MGAT4A: variants seen among roughly 807,000 people sequenced by gnomAD.
MGAT4A encodes alpha-1,3-mannosyl-glycoprotein 4-beta-N-acetylglucosaminyltransferase A, also known as N-acetylglucosaminyltransferase IVa.
A neutral mutation model predicts 74.1 loss-of-function variants in MGAT4A; 33 were observed. The observed-to-expected ratio is 0.45, with a 90% confidence interval of 0.34 to 0.60. The LOEUF (loss-of-function observed/expected upper bound fraction) is 0.60, where lower values mean the gene tolerates loss of function less well. MGAT4A is among the 20% of genes least tolerant of loss of function. MGAT4A has a pLI of 0.02. For missense variants in MGAT4A, 479 were observed against 628.3 expected (o/e 0.76, Z 2.54); for synonymous variants, 198 against 210.4 (o/e 0.94, Z 0.51).
In MGAT4A at chr2:98,619,414, T is replaced by C. The variant is rs1701011972; in HGVS notation, c.*6152A>G. 2 of 152,052 alleles carry C rather than the reference T, an allele frequency of 1.3e-5. No individual in the cohort carries two copies. The highest frequency in any genetic ancestry group is 4.1e-4 in the South Asian group (2 of 4,830). The allele number at this position is 152,052 out of a possible 1,614,324, so 9.4% of individuals were successfully genotyped here. ...AATCTGGTACAACCTGGCAAGGAGA[T>C]TCCTCAGGCAGCTTCTCTAAGGGAT... On this transcript the variant is annotated 3_prime_UTR_variant, in exon 16 of 16. Coordinates refer to ENST00000393487, the MANE Select transcript of MGAT4A (RefSeq NM_012214.3).
At position 98,623,496 on chromosome 2, in the gene MGAT4A, G is replaced by A. The variant is rs1309617717; in HGVS notation, c.*2070C>T. On this transcript the variant is annotated 3_prime_UTR_variant, in exon 16 of 16. Transcript: ENST00000393487. Reference sequence around the variant, plus strand: ...TGCAGTAATTTAGTATACCAAGCTGGTGCCAAAATTTTATGACAAAAGGTT... The same window carrying A: ...TGCAGTAATTTAGTATACCAAGCTGATGCCAAAATTTTATGACAAAAGGTT... 1 of 985,244 alleles carries A rather than the reference G, an allele frequency of 1.0e-6. No homozygotes were observed. The highest frequency in any genetic ancestry group is 1.7e-5 in the African/African-American group (1 of 57,208). 61.0% of individuals were successfully genotyped at this position (985,244 alleles called of 1,614,324 possible). A position where few individuals can be genotyped will look rare whatever the true frequency, so the allele number is the denominator to read the frequency against.
chr2:98,623,146 G>A lies in MGAT4A; in HGVS notation c.*2420C>T, dbSNP rs1701086960. The stretch of plus-strand genomic sequence containing the variant: ...CCCTAGGCACGGGTAGATTCATGGG[G>A]AGAGAAGCACAAAAAAGTCCTGGAA... On this transcript the variant is annotated 3_prime_UTR_variant, in exon 16 of 16. Transcript: ENST00000393487. 1 of 985,376 alleles carries A rather than the reference G, an allele frequency of 1.0e-6. No individual in the cohort carries two copies. The highest frequency in any genetic ancestry group is 1.7e-5 in the African/African-American group (1 of 57,252). The allele number at this position is 985,376 out of a possible 1,614,324, so 61.0% of individuals were successfully genotyped here.
At chr2:98,656,020 C>T (rs886488861) in intron 7 of MGAT4A, 1 of 237,762 alleles carries the variant, frequency 4.2e-6, no homozygotes, top group African/African-American at 2.3e-5. Context: ...TCAAAGTTCA[C>T]AAATAGGTAC....
At chr2:98,673,522 C>T (rs183217757) in intron 4 of MGAT4A, among the ~76,000 whole-genome samples, 2 of 152,102 alleles carry the variant, frequency 1.3e-5, no homozygotes, top group East Asian at 3.9e-4. Context: ...TTTTTTCTAC[C>T]AAGCTGTTTT....
intron 4 of MGAT4A, among the ~76,000 whole-genome samples, chr2:98,670,062 C>G (rs1445810226): frequency 6.6e-6 from 1 of 152,214 alleles, no homozygotes; most frequent in African/African-American, 2.4e-5. Context: ...CATAACCCAG[C>G]CTGTCCTATC....
intron 14 of MGAT4A, among the ~76,000 whole-genome samples, chr2:98,628,269 A>G (rs961019254): frequency 6.6e-6 from 1 of 152,240 alleles, no homozygotes; most frequent in African/African-American, 2.4e-5. Flanking sequence ...TCAATTCCTC[A>G]GGAGCCAAGA....
intron 2 of MGAT4A, among the ~76,000 whole-genome samples, chr2:98,695,700 G>A (rs777702078): frequency 6.6e-6 from 1 of 152,068 alleles, no homozygotes; most frequent in Non-Finnish European, 1.5e-5. Context: ...TACTGCTGTA[G>A]AAAAGTATTA....
Position 98,639,930 on chromosome 2 carries a change from C to T in MGAT4A, c.1200G>A (p.Leu400=), listed in dbSNP as rs1387230458. The T allele has an allele frequency of 1.2e-6, 2 of 1,614,050 alleles. No homozygotes were observed. Among genetic ancestry groups the T allele is most frequent in the African/African-American group, 1.3e-5 (1 of 75,006 alleles). ...VNPPAEVSTS[L]KVYQGHTLEK... The stretch of plus-strand genomic sequence containing the variant: ...CCAGCGTATGCCCTTGGTAGACCTT[C>T]AAGGAAGTAGATACCTCCGCAGGTG... Residue 400 remains leucine, a synonymous_variant, in exon 12 of 16, where the codon TTG becomes TTA. Coordinates refer to ENST00000393487, the MANE Select transcript of MGAT4A (RefSeq NM_012214.3).
chr2:98,674,516 G>A (rs1042681088), intron 4 of MGAT4A, among the ~76,000 whole-genome samples: 1 of 152,150 alleles, frequency 6.6e-6, no homozygotes, highest in African/African-American at 2.4e-5. Context: ...GAAAACTGAA[G>A]AAGTTCTGTT....
rs1305467787 is a variant in MGAT4A at position 98,625,789 on chromosome 2, G to A, written c.1515C>T (p.Leu505=). The change falls in exon 15 of 16, where the codon CTC becomes CTT. Residue 505 remains leucine, a synonymous_variant. Transcript: ENST00000393487. ...AAAGTCGAAAGGCTGAAATGGGATT[G>A]AGACTTGGATCCACCATTCCTTCTG... is the stretch of plus-strand genomic sequence containing the variant. ...GVAEGMVDPS[L]NPISAFRLSV... 1 of 1,612,540 alleles carries A rather than the reference G, an allele frequency of 6.2e-7. No individual in the cohort carries two copies. The highest frequency in any genetic ancestry group is 8.5e-7 in the Non-Finnish European group (1 of 1,178,934).
At chr2:98,662,454 T>TC (rs1185564772) in intron 5 of MGAT4A, among the ~76,000 whole-genome samples, 1 of 152,184 alleles carries the variant, frequency 6.6e-6, no homozygotes, top group African/African-American at 2.4e-5. Flanking sequence ...CATGGGGAAC[T>TC]CTAAAAAGTT....
chr2:98,642,173 G>A (rs1701420641), intron 10 of MGAT4A, among the ~76,000 whole-genome samples: 1 of 152,056 alleles, frequency 6.6e-6, no homozygotes, highest in Admixed American at 6.6e-5. Flanking sequence ...AGAAAGGGAG[G>A]AAGAGTCAAA....
intron 8 of MGAT4A, among the ~76,000 whole-genome samples, chr2:98,647,314 A>G (rs28720100): frequency 5.3e-5 from 8 of 151,396 alleles, no homozygotes; most frequent in Admixed American, 5.3e-4. Flanking sequence ...CTCTTTTTTT[A>G]TTTTTATTTT....
chr2:98,690,864 T>C (rs960375603), intron 2 of MGAT4A, among the ~76,000 whole-genome samples: 1 of 152,008 alleles, frequency 6.6e-6, no homozygotes, highest in African/African-American at 2.4e-5. Flanking sequence ...AAAAACTTAA[T>C]GGGTGAGCTC....
chr2:98,659,428 A>G (rs1044776133), intron 5 of MGAT4A, among the ~76,000 whole-genome samples: 1 of 152,156 alleles, frequency 6.6e-6, no homozygotes, highest in Non-Finnish European at 1.5e-5. Context: ...CAACCAGGCC[A>G]GGGACATGGC....
intron 5 of MGAT4A, among the ~76,000 whole-genome samples, chr2:98,658,747 G>A (rs1309812167): frequency 6.6e-6 from 1 of 152,128 alleles, no homozygotes; most frequent in African/African-American, 2.4e-5. Context: ...ATAAAACTAT[G>A]TAATAAAAAA....
chr2:98,675,781 C>T (rs1369489674), intron 3 of MGAT4A, among the ~76,000 whole-genome samples: 1 of 152,150 alleles, frequency 6.6e-6, no homozygotes, highest in Non-Finnish European at 1.5e-5. Context: ...TCTCAAACTC[C>T]TGGCTCAAGC....
At chr2:98,667,635 G>A (rs1465224132) in intron 4 of MGAT4A, among the ~76,000 whole-genome samples, 3 of 152,202 alleles carry the variant, frequency 2.0e-5, no homozygotes, top group Non-Finnish European at 4.4e-5. Flanking sequence ...TCTGGCAGAA[G>A]AAATTTCTAA....
At chr2:98,703,787 T>G (rs1054157363) in intron 2 of MGAT4A, among the ~76,000 whole-genome samples, 3 of 152,212 alleles carry the variant, frequency 2.0e-5, no homozygotes, top group Non-Finnish European at 2.9e-5. Flanking sequence ...CACACTCATC[T>G]GGCCTCAGGA....
Sources: allele counts gnomAD v4.1 joint callset (sites outside exome capture counted in the v4.1 genomes callset), GRCh38; gene constraint gnomAD v4.1.1; transcripts MANE v1.5; gene names NCBI Gene and HGNC (gene_info 2026-07-23, HGNC 2026-07-21).